RGPD2: variants seen among roughly 807,000 people sequenced by gnomAD.
The protein encoded by RGPD2 is RANBP2-like and GRIP domain-containing protein 2.
In RGPD2, 2 loss-of-function variants were observed where a neutral mutation model predicts 36.0. That is an observed-to-expected ratio of 0.06 (90% confidence interval 0.02 to 0.17). The LOEUF (loss-of-function observed/expected upper bound fraction) is 0.17, where lower values mean the gene tolerates loss of function less well. Among genes scored for constraint, RGPD2 ranks in the 10% least tolerant of loss-of-function variants. RGPD2 has a pLI of 1.00. For synonymous variants in RGPD2, 19 were observed against 163.8 expected (o/e 0.12, Z 6.75); for missense variants, 40 against 464.3 (o/e 0.09, Z 8.40).
the RGPD2 span, among the ~76,000 whole-genome samples, chr2:87,857,603 A>G: frequency 5.3e-5 from 8 of 151,720 alleles, no homozygotes; most frequent in South Asian, 1.5e-3. Flanking sequence ...CGGCCTCCCA[A>G]AGTGAGCCAC....
chr2:87,825,550 CCGGCCAGGTCGAG>C (rs1686745870), intron 1 of RGPD2, 95 bp downstream of exon 1: 2 of 845,358 alleles, frequency 2.4e-6, no homozygotes, highest in Middle Eastern at 5.7e-4. Flanking sequence ...AGGCCGCCGC[CCGGCCAGGTCGAG>C]GCCGCCGCCC....
the RGPD2 span, among the ~76,000 whole-genome samples, chr2:87,887,272 C>T: frequency 6.6e-6 from 1 of 151,656 alleles, no homozygotes; most frequent in Non-Finnish European, 1.5e-5. Context: ...CAGTCTATAT[C>T]TTATTGATCG....
At chr2:87,915,654 ATG>A in the RGPD2 span, among the ~76,000 whole-genome samples, 1 of 146,430 alleles carries the variant, frequency 6.8e-6, no homozygotes, top group Non-Finnish European at 1.5e-5. Context: ...ACACATATAT[ATG>A]TGTGTATATA....
chr2:87,943,577 C>A, the RGPD2 span, among the ~76,000 whole-genome samples: 11 of 151,686 alleles, frequency 7.3e-5, no homozygotes, highest in Non-Finnish European at 4.4e-5. Flanking sequence ...TATAGTCCCT[C>A]ATTCTTCAGA....
upstream of RGPD2, among the ~76,000 whole-genome samples, chr2:87,827,315 C>T (rs561816610): frequency 6.6e-6 from 1 of 152,388 alleles, no homozygotes; most frequent in South Asian, 2.1e-4. Context: ...TTTGTTATAT[C>T]TTATTGTATG....
the RGPD2 span, among the ~76,000 whole-genome samples, chr2:87,877,297 C>A: frequency 1.2e-4 from 19 of 152,074 alleles, no homozygotes; most frequent in African/African-American, 4.3e-4. Context: ...CTTCATTGTG[C>A]CATTGGTCTT....
the RGPD2 span, among the ~76,000 whole-genome samples, chr2:87,975,343 G>A: frequency 1.4e-5 from 2 of 141,796 alleles, no homozygotes; most frequent in East Asian, 4.0e-4. Context: ...CCAAGAAAAT[G>A]TAAGTTTCAT....
chr2:87,957,236 T>G, the RGPD2 span, among the ~76,000 whole-genome samples: 9 of 116,298 alleles, frequency 7.7e-5, no homozygotes, highest in South Asian at 3.7e-4. Flanking sequence ...ACAAGGTCAC[T>G]GGGGGGGGGC....
At chr2:87,876,725 T>A in the RGPD2 span, among the ~76,000 whole-genome samples, 2 of 152,238 alleles carry the variant, frequency 1.3e-5, no homozygotes, top group South Asian at 4.1e-4. Flanking sequence ...ATCTACCAGG[T>A]CTGCTTGATC....
At chr2:87,920,131 G>T in the RGPD2 span, among the ~76,000 whole-genome samples, 1 of 151,780 alleles carries the variant, frequency 6.6e-6, no homozygotes, top group African/African-American at 2.4e-5. Context: ...TAAGAACAAA[G>T]AAACCGTGAC....
At chr2:87,949,152 AAAG>A in the RGPD2 span, among the ~76,000 whole-genome samples, 1 of 148,876 alleles carries the variant, frequency 6.7e-6, no homozygotes. Context: ...TGAAAAAAAA[AAAG>A]AAAATAAAAA....
At chr2:87,864,576 T>TA in the RGPD2 span, among the ~76,000 whole-genome samples, 2 of 151,296 alleles carry the variant, frequency 1.3e-5, no homozygotes, top group Non-Finnish European at 3.0e-5. Flanking sequence ...CATAGATAGA[T>TA]GATAGATAGA....
the RGPD2 span, among the ~76,000 whole-genome samples, chr2:87,866,832 C>T: frequency 1.3e-5 from 2 of 152,196 alleles, no homozygotes. Flanking sequence ...GCCAGCATGT[C>T]CCACCCGCCA....
chr2:87,952,486 T>C, the RGPD2 span, among the ~76,000 whole-genome samples: 3 of 152,348 alleles, frequency 2.0e-5, no homozygotes, highest in African/African-American at 7.2e-5. Context: ...GTTTATATTA[T>C]GTAAAATACA....
the RGPD2 span, among the ~76,000 whole-genome samples, chr2:87,971,421 A>T: frequency 7.5e-5 from 10 of 132,832 alleles, no homozygotes; most frequent in African/African-American, 2.2e-4. Context: ...TCTCTGTCTA[A>T]ATGTTATAGA....
intron 7 of RGPD2, among the ~76,000 whole-genome samples, chr2:87,805,773 T>C (rs1473262123): frequency 1.3e-5 from 2 of 151,064 alleles, no homozygotes; most frequent in Non-Finnish European, 3.0e-5. Context: ...GGCAGGAAAA[T>C]GGTGTGAACT....
At chr2:87,844,795 AT>A in the RGPD2 span, among the ~76,000 whole-genome samples, 1 of 146,938 alleles carries the variant, frequency 6.8e-6, no homozygotes, top group Non-Finnish European at 1.5e-5. Context: ...ATATATTTCT[AT>A]TATATTTTCT....
the RGPD2 span, among the ~76,000 whole-genome samples, chr2:87,863,652 C>T: frequency 6.6e-6 from 1 of 151,816 alleles, no homozygotes; most frequent in African/African-American, 2.4e-5. Flanking sequence ...TGAGTATTCC[C>T]TTCTTATTTT....
the RGPD2 span, among the ~76,000 whole-genome samples, chr2:87,865,114 T>C: frequency 2.6e-5 from 4 of 152,056 alleles, no homozygotes; most frequent in South Asian, 4.2e-4. Flanking sequence ...CATTCACTTT[T>C]TTCTCTTATC....
Sources: gnomAD v4.1 joint callset for allele counts (sites outside exome capture counted in the v4.1 genomes callset) on GRCh38, gnomAD v4.1.1 for gene constraint, MANE v1.5 for transcripts, NCBI Gene and HGNC (gene_info 2026-07-23, HGNC 2026-07-21) for gene names.